PCLO: variants seen among roughly 807,000 people sequenced by gnomAD.
PCLO encodes piccolo presynaptic cytomatrix protein.
In PCLO, 82 loss-of-function variants were observed where a neutral mutation model predicts 427.5. That is an observed-to-expected ratio of 0.19 (90% CI 0.16 to 0.23). PCLO has a LOEUF of 0.23. PCLO is among the 10% of genes least tolerant of loss of function. The pLI is 1.00. For synonymous variants in PCLO, 2,357 were observed against 2,155.4 expected (o/e 1.09, Z -2.59); for missense variants, 6,239 against 6,115.9 (o/e 1.02, Z -0.67).
chr7:82,828,161 G>A (rs570135792), intron 16 of PCLO, among the ~76,000 whole-genome samples, 195 bp from the exon 17 acceptor site: 1 of 143,310 alleles, frequency 7.0e-6, no homozygotes, highest in African/African-American at 2.7e-5. Flanking sequence ...TTGGATGCTT[G>A]TAGTTTTCTT....
chr7:83,128,412 A>C (rs1316175127), intron 3 of PCLO, among the ~76,000 whole-genome samples: 1 of 152,174 alleles, frequency 6.6e-6, no homozygotes, highest in African/African-American at 2.4e-5. Context: ...TTTACACTTC[A>C]AGAACATCCT....
chr7:83,161,630 T>C (rs990232481), intron 1 of PCLO, among the ~76,000 whole-genome samples: 2 of 152,212 alleles, frequency 1.3e-5, no homozygotes, highest in African/African-American at 4.8e-5. Context: ...TTTTCTAAGG[T>C]AATAAAATTC....
At chr7:83,050,227 A>AAAAAAC (rs1554385582) in intron 3 of PCLO, among the ~76,000 whole-genome samples, 3 of 85,650 alleles carry the variant, frequency 3.5e-5, no homozygotes, top group Non-Finnish European at 5.3e-5. Flanking sequence ...AAAAAAAAAA[A>AAAAAAC]AAAAAAAAAA....
At chr7:83,060,224 A>G (rs1290478528) in intron 3 of PCLO, among the ~76,000 whole-genome samples, 1 of 152,076 alleles carries the variant, frequency 6.6e-6, no homozygotes, top group African/African-American at 2.4e-5. Context: ...CCTTTTAAAT[A>G]ACACTCCCAA....
intron 10 of PCLO, among the ~76,000 whole-genome samples, chr7:82,874,943 T>C (rs1264109099): frequency 6.6e-6 from 1 of 152,166 alleles, no homozygotes; most frequent in African/African-American, 2.4e-5. Flanking sequence ...GTTAAAATTG[T>C]AATCCTAAAT....
intron 20 of PCLO, among the ~76,000 whole-genome samples, chr7:82,806,543 T>C (rs1416510763): frequency 6.6e-6 from 1 of 152,132 alleles, no homozygotes; most frequent in African/African-American, 2.4e-5. Flanking sequence ...AGTACTAATA[T>C]TGTTGTCAGA....
At chr7:83,048,823 G>GT (rs1047111151) in intron 3 of PCLO, among the ~76,000 whole-genome samples, 8 of 151,874 alleles carry the variant, frequency 5.3e-5, no homozygotes, top group Admixed American at 2.0e-4. Flanking sequence ...ATTCCTTTAT[G>GT]TTTTTTCAAA....
In PCLO at chr7:82,760,739, T is replaced by C. The variant is rs756125419; in HGVS notation, c.15188A>G (p.Lys5063Arg). 2.0e-6 allele frequency: 3 copies of C among 1,519,868 alleles called. No individual in the cohort carries two copies. The highest frequency in any genetic ancestry group is 2.3e-5 in the South Asian group (2 of 86,724). 94.1% of individuals were successfully genotyped at this position (1,519,868 alleles called of 1,614,324 possible). A position where few individuals can be genotyped will look rare whatever the true frequency, so the allele number is the denominator to read the frequency against. Reference protein sequence around the residue: ...IYVMNISTQKKVIKKKTRVCR... With the variant: ...IYVMNISTQKRVIKKKTRVCR... Reference sequence around the variant, plus strand: ...TACTCTTGTTTTTTTCTTGATCACCTTTTTTTGGGTAGAAATATTCATCAC... The same window carrying C: ...TACTCTTGTTTTTTTCTTGATCACCCTTTTTTGGGTAGAAATATTCATCAC... Residue 5063 changes from lysine (K) to arginine (R), a missense_variant, in exon 24 of 25, where the codon AAG (lysine) becomes AGG (arginine). This residue lies in a region of PCLO where 877 missense variants were observed against 925.5 expected (regional missense o/e 0.95). Coordinates refer to ENST00000333891, the MANE Select transcript of PCLO (RefSeq NM_033026.6).
At chr7:82,905,221 G>C (rs566020364) in intron 8 of PCLO, among the ~76,000 whole-genome samples, 2 of 152,164 alleles carry the variant, frequency 1.3e-5, no homozygotes, top group African/African-American at 4.8e-5. Flanking sequence ...CTCCCAGAAA[G>C]AGGGCTGTTC....
Position 82,949,536 on chromosome 7 carries a change from A to G in PCLO, c.11052T>C (p.Pro3684=), listed in dbSNP as rs1795281747. 3 of 1,613,340 alleles carry G rather than the reference A, an allele frequency of 1.9e-6. No individual in the cohort carries two copies. The highest frequency in any genetic ancestry group is 2.5e-6 in the Non-Finnish European group (3 of 1,179,684). The change falls in exon 6 of 25, where the codon CCT becomes CCC. Residue 3684 remains proline, a synonymous_variant. Coordinates refer to ENST00000333891, the MANE Select transcript of PCLO (RefSeq NM_033026.6). ...AACTTTCGTCTGCTGTTGGACTCAG[A>G]GGCTTGGGGTCAGACATAGAACGCT... ...MMQRSMSDPK[P]LSPTADESSR...
At chr7:82,844,268 T>C (rs1792443428) in intron 13 of PCLO, among the ~76,000 whole-genome samples, 2 of 152,164 alleles carry the variant, frequency 1.3e-5, no homozygotes, top group African/African-American at 2.4e-5. Context: ...AGCACATAAT[T>C]GCTTGTGGTA....
intron 4 of PCLO, among the ~76,000 whole-genome samples, chr7:82,965,112 A>T (rs150018235): frequency 6.6e-6 from 1 of 152,118 alleles, no homozygotes; most frequent in South Asian, 2.1e-4. Context: ...ATTTTCCATT[A>T]AAGAAAAAGA....
At chr7:82,940,724 T>C (rs1041120821) in intron 6 of PCLO, among the ~76,000 whole-genome samples, 1 of 151,360 alleles carries the variant, frequency 6.6e-6, no homozygotes, top group East Asian at 1.9e-4. Context: ...AGACATCAGT[T>C]CTATAATCTG....
intron 3 of PCLO, among the ~76,000 whole-genome samples, chr7:83,045,632 C>T (rs74702353): frequency 0.017 from 2,631 of 152,156 alleles, 82 homozygotes; most frequent in African/African-American, 0.061. Flanking sequence ...AATCTTCAGA[C>T]TGTCTAATAT....
chr7:82,943,529 T>A (rs927159936), intron 6 of PCLO, among the ~76,000 whole-genome samples: 4 of 152,008 alleles, frequency 2.6e-5, no homozygotes, highest in Non-Finnish European at 4.4e-5. Context: ...ATAAATTAGG[T>A]ACCTACTAGC....
intron 22 of PCLO, among the ~76,000 whole-genome samples, chr7:82,794,478 T>TTTTTTTTTTTTTTTTTTTTTTTTTTTC (rs1791182725): frequency 8.9e-6 from 1 of 111,932 alleles, no homozygotes; most frequent in African/African-American, 3.4e-5. Flanking sequence ...TTTTTTTTTT[T>TTTTTTTTTTTTTTTTTTTTTTTTTTTC]TTTTTTTTTT....
intron 2 of PCLO, among the ~76,000 whole-genome samples, chr7:83,152,027 T>C (rs755076500): frequency 9.9e-5 from 15 of 151,942 alleles, no homozygotes; most frequent in South Asian, 4.2e-4. Context: ...TGCAGTGGCG[T>C]GATCTTGGCT....
At chr7:82,828,584 T>A (rs2115691873) in intron 16 of PCLO, among the ~76,000 whole-genome samples, 1 of 152,322 alleles carries the variant, frequency 6.6e-6, no homozygotes, top group South Asian at 2.1e-4. Context: ...TTTCCTCAAT[T>A]ATTAGAACTT....
intron 3 of PCLO, among the ~76,000 whole-genome samples, chr7:83,053,289 G>A (rs1789298189): frequency 6.6e-6 from 1 of 150,538 alleles, no homozygotes; most frequent in African/African-American, 2.4e-5. Flanking sequence ...TAAATAATAT[G>A]TCTTCACTTC....
Sources: allele counts gnomAD v4.1 joint callset (sites outside exome capture counted in the v4.1 genomes callset), GRCh38; gene constraint gnomAD v4.1.1; regional missense constraint gnomAD v4.1.1; transcripts MANE v1.5; gene names NCBI Gene and HGNC (gene_info 2026-07-23, HGNC 2026-07-21).